Variants in SLC39A12 observed in about 807,000 individuals in gnomAD.
The protein encoded by SLC39A12 is zinc transporter ZIP12.
Under a neutral mutation model 71.1 loss-of-function variants are expected in SLC39A12, and 63 were observed. The ratio of observed to expected loss-of-function variants is 0.89; its 90% confidence interval spans 0.72 to 1.09. The LOEUF is 1.09. Among genes scored for constraint, SLC39A12 ranks in the 50% least tolerant of loss-of-function variants. The probability of loss-of-function intolerance (pLI) is 0.00; values close to 1 mark genes in which losing one functional copy is unlikely to be tolerated. For missense variants in SLC39A12, 892 were observed against 812.6 expected (o/e 1.10, Z -1.19); for synonymous variants, 351 against 301.3 (o/e 1.16, Z -1.71).
chr10:18,016,096 T>G (rs1564658057), intron 12 of SLC39A12, among the ~76,000 whole-genome samples: 1 of 152,196 alleles, frequency 6.6e-6, no homozygotes, highest in Non-Finnish European at 1.5e-5. Context: ...GTTTTATACA[T>G]TCTATGGGTT....
chr10:18,041,740 T>TAC (rs1837249386), intron 12 of SLC39A12, among the ~76,000 whole-genome samples: 1 of 138,376 alleles, frequency 7.2e-6, no homozygotes, highest in African/African-American at 2.7e-5. Flanking sequence ...TATATATGTA[T>TAC]ATACATGTAT....
chr10:18,001,925 A>ATTTTTTT (rs56355548), intron 11 of SLC39A12: 1 of 134,196 alleles, frequency 7.5e-6, no homozygotes. Context: ...TATTCATTCT[A>ATTTTTTT]TTTTTTTTTT....
At chr10:17,983,168 CAAAAAAAAAAAAAAA>C (rs59513976) in intron 6 of SLC39A12, among the ~76,000 whole-genome samples, 5 of 60,596 alleles carry the variant, frequency 8.3e-5, no homozygotes, top group Admixed American at 4.4e-4. Flanking sequence ...GACTCCATCT[CAAAAAAAAAAAAAAA>C]AAAAAAAAAA....
intron 2 of SLC39A12, among the ~76,000 whole-genome samples, chr10:17,955,818 C>G (rs1554847722): frequency 6.6e-6 from 1 of 152,186 alleles, no homozygotes; most frequent in Non-Finnish European, 1.5e-5. Flanking sequence ...TGGGCTGATC[C>G]TGGCTTTTTC....
Position 18,007,146 on chromosome 10 carries a change from C to T in SLC39A12, c.1947+3788C>T, listed in dbSNP as rs140467723. 2.6e-5 allele frequency: 4 copies of T among 152,382 alleles called. No homozygotes were observed. In the East Asian group the frequency reaches 7.7e-4, roughly 29 times the overall value. The allele number at this position is 152,382 out of a possible 1,614,324, so 9.4% of individuals were successfully genotyped here. ...CTCCAAACCCTGCTGGCCCTGAGGC[C>T]ATAGTTGATATTCTTCATCTCTGCT... On this transcript the variant is annotated intron_variant, in intron 12 of 12. Transcript: ENST00000377369.
intron 12 of SLC39A12, among the ~76,000 whole-genome samples, chr10:18,009,074 A>G (rs1186231660): frequency 6.6e-6 from 1 of 152,208 alleles, no homozygotes; most frequent in Non-Finnish European, 1.5e-5. Context: ...AATTAAAAAA[A>G]TGTAAATGGG....
intron 12 of SLC39A12, among the ~76,000 whole-genome samples, chr10:18,033,452 T>C: frequency 6.6e-6 from 1 of 151,362 alleles, no homozygotes; most frequent in Admixed American, 6.6e-5. Context: ...GTGTTTGTAG[T>C]ATCCTCTGAC....
At chr10:18,028,292 C>T (rs535690123) in intron 12 of SLC39A12, among the ~76,000 whole-genome samples, 1 of 152,160 alleles carries the variant, frequency 6.6e-6, no homozygotes, top group Non-Finnish European at 1.5e-5. Flanking sequence ...TCAGTGAAAG[C>T]TCTTTGACAT....
intron 4 of SLC39A12, among the ~76,000 whole-genome samples, chr10:17,976,536 G>A (rs749871494): frequency 5.3e-5 from 8 of 152,128 alleles, no homozygotes; most frequent in Non-Finnish European, 8.8e-5. Context: ...TCCCATCTCA[G>A]CTTCCTGAGT....
intron 12 of SLC39A12, among the ~76,000 whole-genome samples, chr10:18,030,555 A>G (rs1187530500): frequency 6.6e-6 from 1 of 151,810 alleles, no homozygotes; most frequent in East Asian, 1.9e-4. Flanking sequence ...TTTCAAACAC[A>G]TATTGTCTGC....
chr10:17,966,094 A>G (rs1834819254), intron 4 of SLC39A12, among the ~76,000 whole-genome samples: 1 of 152,244 alleles, frequency 6.6e-6, no homozygotes, highest in Non-Finnish European at 1.5e-5. Flanking sequence ...TGCAATCATG[A>G]AAGCCATTTA....
chr10:18,026,113 G>A (rs1836669695), intron 12 of SLC39A12, among the ~76,000 whole-genome samples: 2 of 151,986 alleles, frequency 1.3e-5, no homozygotes, highest in Admixed American at 1.3e-4. Flanking sequence ...GAAAAATAAA[G>A]GTTTTTATTT....
chr10:17,960,760 T>C (rs2130777868), intron 2 of SLC39A12, among the ~76,000 whole-genome samples: 1 of 152,356 alleles, frequency 6.6e-6, no homozygotes, highest in Admixed American at 6.5e-5. Flanking sequence ...ACTTGATTCG[T>C]GGCTCATCCA....
intron 7 of SLC39A12, among the ~76,000 whole-genome samples, chr10:17,988,614 G>A (rs1484449066): frequency 2.6e-5 from 4 of 152,126 alleles, no homozygotes; most frequent in African/African-American, 9.7e-5. Flanking sequence ...TTTCTGTTCT[G>A]CCCAGAAGGC....
At chr10:17,989,638 G>C (rs1312473796) in intron 7 of SLC39A12, among the ~76,000 whole-genome samples, 2 of 152,140 alleles carry the variant, frequency 1.3e-5, no homozygotes, top group Non-Finnish European at 2.9e-5. Context: ...AGAGACAAGA[G>C]CCGGGTGCAG....
chr10:17,994,898 A>C (rs1385634696), intron 9 of SLC39A12, among the ~76,000 whole-genome samples: 1 of 152,210 alleles, frequency 6.6e-6, no homozygotes, highest in Non-Finnish European at 1.5e-5. Flanking sequence ...TATGCTTTTA[A>C]AAGGACATAT....
In SLC39A12 at chr10:17,965,679, T is replaced by G. The variant is rs1226337323; in HGVS notation, c.740T>G (p.Leu247Arg). ...IFSSLNRTNT[L>R]RLSELDQLLN... ...AGTTCCTTGAATCGTACGAATACCC[T>G]CCGCCTATCAGGTAAGGATGTTTTC... The change falls in exon 4 of 13, where the codon CTC becomes CGC. Residue 247 changes from leucine to arginine, a missense_variant. Physicochemically the swap from Leu to Arg is moderately radical, Grantham distance 102 (BLOSUM62 -2). Coordinates refer to ENST00000377369, the MANE Select transcript of SLC39A12 (RefSeq NM_001145195.2). The G allele has an allele frequency of 6.8e-6, 11 of 1,612,280 alleles. No individual in the cohort carries two copies. Among genetic ancestry groups the G allele is most frequent in the Non-Finnish European group, 9.3e-6 (11 of 1,178,546 alleles).
chr10:17,990,559 A>G (rs1237323280), intron 7 of SLC39A12, among the ~76,000 whole-genome samples: 1 of 152,154 alleles, frequency 6.6e-6, no homozygotes, highest in Non-Finnish European at 1.5e-5. Context: ...AACCAATGGG[A>G]TGAGTCAGTT....
At chr10:18,023,334 G>A (rs946505551) in intron 12 of SLC39A12, among the ~76,000 whole-genome samples, 1 of 152,144 alleles carries the variant, frequency 6.6e-6, no homozygotes, top group East Asian at 1.9e-4. Flanking sequence ...GAGGGTTCAT[G>A]GGTAAGACAG....
Sources: allele counts gnomAD v4.1 joint callset (sites outside exome capture counted in the v4.1 genomes callset), GRCh38; gene constraint gnomAD v4.1.1; transcripts MANE v1.5; gene names NCBI Gene and HGNC (gene_info 2026-07-23, HGNC 2026-07-21).